Variants in SYT1 observed in about 807,000 individuals in gnomAD.
SYT1 encodes the protein synaptotagmin 1.
A neutral mutation model predicts 44.8 loss-of-function variants in SYT1; 8 were observed. The observed-to-expected ratio is 0.18, with a 90% CI of 0.10 to 0.32. The LOEUF is 0.32. SYT1 is among the 10% of genes least tolerant of loss of function. The probability of loss-of-function intolerance (pLI) is 1.00; values close to 1 mark genes in which losing one functional copy is unlikely to be tolerated. For missense variants in SYT1, 286 were observed against 509.3 expected (o/e 0.56, Z 4.22); for synonymous variants, 154 against 188.8 (o/e 0.82, Z 1.51).
At chr12:79,376,992 TCTC>T (rs1278422640) in intron 9 of SYT1, among the ~76,000 whole-genome samples, 2 of 152,236 alleles carry the variant, frequency 1.3e-5, no homozygotes, top group Admixed American at 6.5e-5. Context: ...AGCTCATATT[TCTC>T]CTTATTGTTC....
chr12:79,128,082 G>C (rs934474836), intron 3 of SYT1, among the ~76,000 whole-genome samples: 1 of 152,050 alleles, frequency 6.6e-6, no homozygotes, highest in Non-Finnish European at 1.5e-5. Flanking sequence ...TGGATAATTA[G>C]ATAGAGAGAT....
At chr12:79,318,167 G>A (rs1214706418) in intron 8 of SYT1, among the ~76,000 whole-genome samples, 1 of 152,158 alleles carries the variant, frequency 6.6e-6, no homozygotes, top group East Asian at 1.9e-4. Flanking sequence ...ATTGAAAAAG[G>A]CCTGGAACCA....
chr12:79,097,620 C>A (rs891514834), intron 3 of SYT1, among the ~76,000 whole-genome samples: 2 of 151,938 alleles, frequency 1.3e-5, no homozygotes, highest in East Asian at 3.9e-4. Context: ...CCAACACGCT[C>A]ACAAACTAAA....
At chr12:79,305,621 C>T (rs1472139242) in intron 8 of SYT1, among the ~76,000 whole-genome samples, 1 of 152,102 alleles carries the variant, frequency 6.6e-6, no homozygotes, top group Non-Finnish European at 1.5e-5. Flanking sequence ...AACTGAGACC[C>T]AGGAAAGTTT....
chr12:78,912,865 A>G (rs1876422620), intron 1 of SYT1, among the ~76,000 whole-genome samples: 1 of 151,956 alleles, frequency 6.6e-6, no homozygotes, highest in Non-Finnish European at 1.5e-5. Context: ...AGCATTTTCT[A>G]AGAGATGCTC....
At chr12:78,876,751 G>GTATATTATA (rs1379990515) in intron 1 of SYT1, among the ~76,000 whole-genome samples, 1 of 54,412 alleles carries the variant, frequency 1.8e-5, no homozygotes, top group African/African-American at 1.0e-4. Flanking sequence ...ATTATATATT[G>GTATATTATA]TATATTATAT....
chr12:78,879,560 G>T (rs1055001930), intron 1 of SYT1, among the ~76,000 whole-genome samples: 34 of 151,708 alleles, frequency 2.2e-4, no homozygotes, highest in African/African-American at 8.0e-4. Context: ...ATCTAATTTT[G>T]TTATCTAGAA....
At chr12:79,166,601 A>C (rs1871235566) in intron 3 of SYT1, among the ~76,000 whole-genome samples, 1 of 152,022 alleles carries the variant, frequency 6.6e-6, no homozygotes, top group Non-Finnish European at 1.5e-5. Flanking sequence ...GTAATGGTTC[A>C]ATAGCATCAC....
chr12:79,435,155 G>A (rs1241098179), intron 9 of SYT1, among the ~76,000 whole-genome samples: 1 of 152,130 alleles, frequency 6.6e-6, no homozygotes, highest in Non-Finnish European at 1.5e-5. Context: ...TGTAGCTGGT[G>A]CAGTCATTTG....
At chr12:78,902,341 C>CA (rs986562994) in intron 1 of SYT1, among the ~76,000 whole-genome samples, 1 of 151,742 alleles carries the variant, frequency 6.6e-6, no homozygotes, top group African/African-American at 2.4e-5. Flanking sequence ...GTAAAGAATC[C>CA]AATTGAAAGC....
Position 78,901,945 on chromosome 12 carries a change from C to T in SYT1, c.-217+36836C>T, listed in dbSNP as rs1592539477. ...GCAAACCAACACAAGAATAGAAAACCAAACACTGCATATTCTCACTCATAA... is the reference window on the plus strand; with the variant it reads ...GCAAACCAACACAAGAATAGAAAACTAAACACTGCATATTCTCACTCATAA... On this transcript the variant is annotated intron_variant, in intron 1 of 10. Transcript: ENST00000261205. 2.6e-5 allele frequency among the ~76,000 whole-genome samples: 4 copies of T among 151,876 alleles called. No homozygotes were observed. The South Asian group carries it at 6.2e-4, about 24-fold the overall frequency.
intron 4 of SYT1, among the ~76,000 whole-genome samples, chr12:79,279,226 A>G (rs1878911741): frequency 6.6e-6 from 1 of 152,076 alleles, no homozygotes; most frequent in Non-Finnish European, 1.5e-5. Context: ...GTCCCTGATG[A>G]ACATAGATGC....
intron 3 of SYT1, among the ~76,000 whole-genome samples, chr12:79,086,953 CTT>C (rs1374268328): frequency 6.6e-6 from 1 of 152,118 alleles, no homozygotes; most frequent in Non-Finnish European, 1.5e-5. Flanking sequence ...TTGTAATACT[CTT>C]TTGACTTTAT....
At chr12:78,999,805 C>T (rs1870614796) in intron 2 of SYT1, among the ~76,000 whole-genome samples, 1 of 152,036 alleles carries the variant, frequency 6.6e-6, no homozygotes, top group African/African-American at 2.4e-5. Context: ...GCTAATATCC[C>T]TACAAAGAAT....
chr12:79,332,817 C>T (rs1485774958), intron 8 of SYT1, among the ~76,000 whole-genome samples: 2 of 152,048 alleles, frequency 1.3e-5, no homozygotes, highest in African/African-American at 4.8e-5. Context: ...ATCTATGTGT[C>T]TACATTTTCT....
chr12:79,310,445 T>C (rs1469666319), intron 8 of SYT1, among the ~76,000 whole-genome samples: 13 of 152,200 alleles, frequency 8.5e-5, no homozygotes, highest in Admixed American at 8.5e-4. Flanking sequence ...TGAAGTCAGG[T>C]AGTGTGATTC....
chr12:79,061,542 G>A (rs1467681689), intron 3 of SYT1, among the ~76,000 whole-genome samples: 1 of 151,978 alleles, frequency 6.6e-6, no homozygotes, highest in Admixed American at 6.6e-5. Context: ...GAATGGTGCT[G>A]GGCCACAAAA....
intron 9 of SYT1, among the ~76,000 whole-genome samples, chr12:79,432,652 C>T (rs1040222111): frequency 6.6e-6 from 1 of 152,118 alleles, no homozygotes; most frequent in Non-Finnish European, 1.5e-5. Flanking sequence ...CTTGTTCTGT[C>T]ACCCAGGCTG....
rs1191732688 is a variant in SYT1 at position 79,207,874 on chromosome 12, C to A, written c.-17-9629C>A. ...TGGGAGGGAATGAACACTGGAGAAT[C>A]TAGCAAACTACATAAGAAAAAACAA... On this transcript the variant is annotated intron_variant, in intron 3 of 10. Transcript: ENST00000261205. Among the ~76,000 whole-genome samples, 42 of 152,230 alleles carry A rather than the reference C, an allele frequency of 2.8e-4. 1 individual carries two copies.
Sources: allele counts gnomAD v4.1 joint callset (sites outside exome capture counted in the v4.1 genomes callset), GRCh38; gene constraint gnomAD v4.1.1; transcripts MANE v1.5; gene names NCBI Gene and HGNC (gene_info 2026-07-23, HGNC 2026-07-21).